The following HYDIN variants were observed in gnomAD, a reference collection of about 807,000 sequenced individuals.
The protein encoded by HYDIN is HYDIN axonemal central pair apparatus protein, also known as axonemal central pair apparatus protein HYDIN.
Under a neutral mutation model 403.9 loss-of-function variants are expected in HYDIN, and 132 were observed. The observed-to-expected ratio is 0.33, with a 90% confidence interval of 0.28 to 0.38. The LOEUF is 0.38. Among genes scored for constraint, HYDIN ranks in the 10% least tolerant of loss-of-function variants. The pLI is 1.00. For synonymous variants in HYDIN, 1,202 were observed against 1,891.7 expected (o/e 0.64, Z 9.46); for missense variants, 2,827 against 5,009.5 (o/e 0.56, Z 13.15).
At chr16:70,824,054 TTA>T (rs1172395719) in intron 83 of HYDIN, among the ~76,000 whole-genome samples, 3 of 152,046 alleles carry the variant, frequency 2.0e-5, no homozygotes, top group South Asian at 2.1e-4. Context: ...TTGTTGAGTT[TTA>T]TATGTTTTTT....
chr16:71,194,212 A>G (rs780057657), intron 1 of HYDIN, among the ~76,000 whole-genome samples: 1 of 152,184 alleles, frequency 6.6e-6, no homozygotes, highest in Non-Finnish European at 1.5e-5. Context: ...GGAGATCGAG[A>G]CCATTGTGGC....
intron 21 of HYDIN, 37 bp from the exon 22 acceptor site, chr16:71,020,354 T>C (rs745549660): frequency 3.9e-5 from 62 of 1,597,136 alleles, no homozygotes; most frequent in African/African-American, 9.5e-5. Flanking sequence ...AATCAACTTA[T>C]GGTAAATACA....
At position 70,978,183 on chromosome 16, in the gene HYDIN, C is replaced by A. The variant is rs1597457387; in HGVS notation, c.4638+731G>T. Among the ~76,000 whole-genome samples, 3 of 152,118 alleles carry A rather than the reference C, an allele frequency of 2.0e-5. No individual in the cohort carries two copies. The East Asian group carries it at 5.8e-4, about 29-fold the overall frequency. On this transcript the variant is annotated intron_variant, in intron 30 of 85. Coordinates refer to ENST00000393567, the MANE Select transcript of HYDIN (RefSeq NM_001270974.2). ...TCCTGAGTTGCCTGTCTCAGTCCCCCTCCTTACCCCGTCATCCAAGCAAGA... is the reference window on the plus strand; with the variant it reads ...TCCTGAGTTGCCTGTCTCAGTCCCCATCCTTACCCCGTCATCCAAGCAAGA...
rs575687858 is a variant in HYDIN at position 70,857,804 on chromosome 16, C to G, written c.12196G>C (p.Glu4066Gln). The change falls in exon 72 of 86, where the codon GAG (glutamate) becomes CAG (glutamine). Residue 4066 changes from glutamate to glutamine, a missense_variant. Glu to Gln is a conservative substitution (Grantham distance 29). Coordinates refer to ENST00000393567, the MANE Select transcript of HYDIN (RefSeq NM_001270974.2). ...TESSWTFLIP[E>Q]HNITVPFLLV... ...AGGAAAGGGACTGTGATGTTGTGCT[C>G]GGGAATTAGGAAGGTCCATGATGAC... 1.2e-6 allele frequency: 2 copies of G among 1,604,646 alleles called. No individual in the cohort carries two copies. The highest frequency in any genetic ancestry group is 2.7e-5 in the African/African-American group (2 of 74,286).
chr16:71,204,131 AT>A (rs2088169428), intron 1 of HYDIN: 1 of 176,506 alleles, frequency 5.7e-6, no homozygotes, highest in African/African-American at 2.4e-5. Context: ...TTTTACATGC[AT>A]TTTCTCCAAG....
rs531006555 is a variant in HYDIN at position 71,101,707 on chromosome 16, G to A, written c.1328-7772C>T. Among the ~76,000 whole-genome samples the A allele has an allele frequency of 3.3e-5, 5 of 152,260 alleles. No individual in the cohort carries two copies. In the East Asian group the frequency reaches 9.6e-4, roughly 29 times the overall value. On this transcript the variant is annotated intron_variant, in intron 10 of 85. Coordinates refer to ENST00000393567, the MANE Select transcript of HYDIN (RefSeq NM_001270974.2). Reference sequence around the variant, plus strand: ...GTTGATCAATACTAAGAGAAGTCAAGGTTATGGAGTAAGGTTATAGGCACA... The same window carrying A: ...GTTGATCAATACTAAGAGAAGTCAAAGTTATGGAGTAAGGTTATAGGCACA...
At chr16:71,217,134 T>G (rs995118549) in intron 1 of HYDIN, among the ~76,000 whole-genome samples, 4 of 152,208 alleles carry the variant, frequency 2.6e-5, no homozygotes, top group Non-Finnish European at 4.4e-5. Flanking sequence ...TACATAAAAT[T>G]TAAGGTTCTC....
chr16:71,170,919 G>C (rs966400554), intron 5 of HYDIN, among the ~76,000 whole-genome samples: 3 of 152,220 alleles, frequency 2.0e-5, no homozygotes, highest in Non-Finnish European at 4.4e-5. Context: ...AAAGGTGGGT[G>C]ATGACAGCAG....
chr16:71,132,795 A>G (rs1311957751), intron 8 of HYDIN: 1 of 151,686 alleles, frequency 6.6e-6, no homozygotes, highest in African/African-American at 2.4e-5. Flanking sequence ...TCTGATGGAG[A>G]ATTGGAGCCA....
In HYDIN at chr16:71,017,350, CAAA is replaced by C. The variant is rs57153160; in HGVS notation, c.3644+776_3644+778del. On this transcript the variant is annotated intron_variant, in intron 23 of 85. Transcript: ENST00000393567. ...GGGCGACAAGAGCGAAACTCTGTCT[CAAA>C]AAAAAAAAAAAAAAAAGTGTTTGGC... is the stretch of plus-strand genomic sequence containing the variant. Among the ~76,000 whole-genome samples the C allele has an allele frequency of 3.7e-3, 403 of 108,608 alleles. 5 individuals are homozygous for C. The highest frequency in any genetic ancestry group is 8.0e-3 in the African/African-American group (202 of 25,360). The allele number at this position is 108,608 out of a possible 152,430, so 71.3% of individuals were successfully genotyped here.
At chr16:71,039,458 C>A (rs2081210207) in intron 18 of HYDIN, among the ~76,000 whole-genome samples, 1 of 152,134 alleles carries the variant, frequency 6.6e-6, no homozygotes, top group African/African-American at 2.4e-5. Flanking sequence ...AAAGCCGGAA[C>A]CTGTGGCCCA....
At chr16:70,943,522 T>C (rs2077746006) in intron 42 of HYDIN, among the ~76,000 whole-genome samples, 1 of 152,200 alleles carries the variant, frequency 6.6e-6, no homozygotes, top group African/African-American at 2.4e-5. Flanking sequence ...TTCTAACTTT[T>C]AGAATGGCTC....
intron 3 of HYDIN, among the ~76,000 whole-genome samples, chr16:71,179,789 T>A (rs1438956014): frequency 6.6e-6 from 1 of 152,154 alleles, no homozygotes; most frequent in Non-Finnish European, 1.5e-5. Context: ...TATAGCATCA[T>A]CCAATGCTGA....
In HYDIN at chr16:70,879,477, G is replaced by T; in HGVS notation, c.10377C>A (p.Ala3459=). ...TGTCAAACACGAGGCCTCGGCTCTTGGCCAGGGTGCTGTAGGGGACAGGAA... is the reference window on the plus strand; with the variant it reads ...TGTCAAACACGAGGCCTCGGCTCTTTGCCAGGGTGCTGTAGGGGACAGGAA... ...ATLDGLPSTL[A]KSRGLVFDIA... The change falls in exon 62 of 86, where the codon GCC becomes GCA. Residue 3459 remains alanine (A), a synonymous_variant. Coordinates refer to ENST00000393567, the MANE Select transcript of HYDIN (RefSeq NM_001270974.2). 8.7e-6 allele frequency: 14 copies of T among 1,613,922 alleles called. No individual in the cohort carries two copies. Among genetic ancestry groups the T allele is most frequent in the Non-Finnish European group, 1.2e-5 (14 of 1,179,910 alleles).
In HYDIN at chr16:71,226,041, T is replaced by C. The variant is rs552767318; in HGVS notation, c.-24+4521A>G. On this transcript the variant is annotated intron_variant, in intron 1 of 85. Coordinates refer to ENST00000393567, the MANE Select transcript of HYDIN (RefSeq NM_001270974.2). ...TAATCAAAATGCCAGCAGATATTTT[T>C]GGAGATGTTAACCTTTAATTCTAAA... Among the ~76,000 whole-genome samples, 14 of 152,338 alleles carry C rather than the reference T, an allele frequency of 9.2e-5. No individual in the cohort carries two copies. The South Asian group carries it at 2.9e-3, about 32-fold the overall frequency.
intron 47 of HYDIN, among the ~76,000 whole-genome samples, chr16:70,916,500 T>A (rs1361639361): frequency 3.9e-5 from 6 of 152,150 alleles, no homozygotes; most frequent in Non-Finnish European, 5.9e-5. Flanking sequence ...TTGGGGTGTC[T>A]CCTGGGTCCT....
intron 11 of HYDIN, among the ~76,000 whole-genome samples, chr16:71,090,813 C>A (rs2083098808): frequency 6.6e-6 from 1 of 150,818 alleles, no homozygotes. Flanking sequence ...TCAGTGACTG[C>A]TATTTATATC....
At chr16:71,222,807 G>C (rs1272736619) in intron 1 of HYDIN, among the ~76,000 whole-genome samples, 2 of 152,090 alleles carry the variant, frequency 1.3e-5, no homozygotes, top group Admixed American at 1.3e-4. Context: ...CCTCTACGCG[G>C]AAAACTAAAA....
At chr16:71,102,458 T>C (rs369006397) in intron 10 of HYDIN, among the ~76,000 whole-genome samples, 24 of 152,168 alleles carry the variant, frequency 1.6e-4, no homozygotes, top group African/African-American at 5.5e-4. Context: ...ACCCCAAAGC[T>C]CATTATCAGA....
Sources: allele counts gnomAD v4.1 joint callset (sites outside exome capture counted in the v4.1 genomes callset), GRCh38; gene constraint gnomAD v4.1.1; transcripts MANE v1.5; gene names NCBI Gene and HGNC (gene_info 2026-07-23, HGNC 2026-07-21).